KDM4C: variants seen among roughly 807,000 people sequenced by gnomAD.
KDM4C encodes lysine demethylase 4C.
KDM4C carries 81 observed loss-of-function variants against 129.3 expected under a neutral mutation model. The observed-to-expected ratio is 0.63, with a 90% CI of 0.52 to 0.75. The LOEUF (loss-of-function observed/expected upper bound fraction) is 0.75, where lower values mean the gene tolerates loss of function less well. KDM4C is among the 30% of genes least tolerant of loss of function. KDM4C has a pLI of 0.00. For missense variants in KDM4C, 1,457 were observed against 1,304.0 expected (o/e 1.12, Z -1.81); for synonymous variants, 573 against 456.1 (o/e 1.26, Z -3.26).
intron 1 of KDM4C, among the ~76,000 whole-genome samples, chr9:6,761,725 T>C (rs1195252209): frequency 2.0e-5 from 3 of 152,238 alleles, no homozygotes; most frequent in Non-Finnish European, 4.4e-5. Context: ...CATTCTGTAC[T>C]TTGATTAAGC....
chr9:6,842,620 G>C (rs544207202), intron 4 of KDM4C, among the ~76,000 whole-genome samples: 1 of 152,180 alleles, frequency 6.6e-6, no homozygotes, highest in East Asian at 1.9e-4. Context: ...ACGGACGTGA[G>C]CTACTGCACC....
chr9:7,123,040 A>T (rs1431090590), intron 18 of KDM4C, among the ~76,000 whole-genome samples: 1 of 152,218 alleles, frequency 6.6e-6, no homozygotes, highest in East Asian at 1.9e-4. Flanking sequence ...GCAAAAATAA[A>T]TCAGAAATCC....
At chr9:7,020,117 C>G (rs139739704) in intron 15 of KDM4C, among the ~76,000 whole-genome samples, 1 of 152,214 alleles carries the variant, frequency 6.6e-6, no homozygotes, top group Non-Finnish European at 1.5e-5. Context: ...TCTTACTTTT[C>G]CATTCACGTC....
rs1317111255 is a variant in KDM4C, at chr9:7,169,850, C to A, written c.2954C>A (p.Thr985Asn). The change falls in exon 21 of 22, where the codon ACT (threonine) becomes AAT (asparagine). Residue 985 changes from threonine to asparagine, a missense_variant. Coordinates refer to ENST00000381309, the MANE Select transcript of KDM4C (RefSeq NM_015061.6). The stretch of plus-strand genomic sequence containing the variant: ...GCAATGAAGAGAGAGGACATCTACA[C>A]TTTAGATGAAGAGTTACCCAAGAGA... ...QIAMKREDIY[T>N]LDEELPKRVK... The A allele has an allele frequency of 1.2e-6, 2 of 1,613,236 alleles. No homozygotes were observed. Among genetic ancestry groups the A allele is most frequent in the Non-Finnish European group, 1.7e-6 (2 of 1,179,334 alleles).
chr9:6,824,632 C>T (rs1588518632), intron 4 of KDM4C, among the ~76,000 whole-genome samples: 1 of 124,060 alleles, frequency 8.1e-6, no homozygotes, highest in East Asian at 2.5e-4. Context: ...ACGCAAGACT[C>T]CGTCTCAAAA....
At chr9:6,925,796 TTTTTGG>T (rs1371199053) in intron 8 of KDM4C, 5 of 318,858 alleles carry the variant, frequency 1.6e-5, no homozygotes, top group Non-Finnish European at 9.1e-6. Context: ...TTTAATTTTG[TTTTTGG>T]TTTTGTGGTA....
At chr9:6,924,734 TGAG>T in intron 8 of KDM4C, 1 of 981,656 alleles carries the variant, frequency 1.0e-6, no homozygotes, top group Non-Finnish European at 1.2e-6. Flanking sequence ...GGATTTTGTC[TGAG>T]GAGTTTTTAT....
At chr9:6,871,796 T>C (rs1218025383) in intron 5 of KDM4C, among the ~76,000 whole-genome samples, 1 of 152,214 alleles carries the variant, frequency 6.6e-6, no homozygotes, top group Non-Finnish European at 1.5e-5. Context: ...ATGGATAGTT[T>C]ATGTTAAAAT....
chr9:6,873,903 CGA>C (rs1310456528), intron 5 of KDM4C, among the ~76,000 whole-genome samples: 2 of 136,100 alleles, frequency 1.5e-5, no homozygotes, highest in Admixed American at 7.6e-5. Flanking sequence ...CACTTAGAGG[CGA>C]GAGAGAGAGC....
rs948232022 is a variant in KDM4C, at chr9:6,964,814, C to T, written c.922-16111C>T. On this transcript the variant is annotated intron_variant, in intron 8 of 21. Coordinates refer to ENST00000381309, the MANE Select transcript of KDM4C (RefSeq NM_015061.6). ...AAAAAAAAAAAAACCACAGACTGGG[C>T]GCAGTAGCACATGCCTGTAATCCCA... 1.9e-4 allele frequency among the ~76,000 whole-genome samples: 27 copies of T among 139,846 alleles called. No individual in the cohort carries two copies. The East Asian group carries it at 1.9e-3, about 10-fold the overall frequency. The allele number at this position is 139,846 out of a possible 152,430, so 91.7% of individuals were successfully genotyped here. A position where few individuals can be genotyped will look rare whatever the true frequency, so the allele number is the denominator to read the frequency against.
chr9:6,783,290 T>C (rs1824764805), intron 1 of KDM4C, among the ~76,000 whole-genome samples: 1 of 152,196 alleles, frequency 6.6e-6, no homozygotes, highest in Non-Finnish European at 1.5e-5. Flanking sequence ...AGAGGCAAGC[T>C]AAACTGTGGA....
intron 19 of KDM4C, among the ~76,000 whole-genome samples, chr9:7,148,806 C>T (rs1186194880): frequency 2.6e-5 from 4 of 152,176 alleles, no homozygotes; most frequent in African/African-American, 9.7e-5. Flanking sequence ...TGTCTGAGTC[C>T]AGCTGAGTCT....
At chr9:6,901,759 A>G (rs1361489636) in intron 8 of KDM4C, among the ~76,000 whole-genome samples, 1 of 152,220 alleles carries the variant, frequency 6.6e-6, no homozygotes, top group Non-Finnish European at 1.5e-5. Context: ...ATCTGCCACA[A>G]TATGTGCTTC....
chr9:6,961,423 G>C (rs952036119), intron 8 of KDM4C, among the ~76,000 whole-genome samples: 1 of 152,088 alleles, frequency 6.6e-6, no homozygotes, highest in African/African-American at 2.4e-5. Context: ...GTACTGAAAG[G>C]TATCCACCTA....
intron 8 of KDM4C, among the ~76,000 whole-genome samples, chr9:6,966,372 C>T (rs574889373): frequency 1.5e-3 from 235 of 152,136 alleles, no homozygotes; most frequent in African/African-American, 4.9e-3. Flanking sequence ...TTAGTAGAGA[C>T]GGGGTTTCAC....
At chr9:6,750,714 A>G (rs535743367) in intron 1 of KDM4C, among the ~76,000 whole-genome samples, 1 of 152,392 alleles carries the variant, frequency 6.6e-6, no homozygotes, top group South Asian at 2.1e-4. Flanking sequence ...CAGGGGCTCA[A>G]CAAGGTCAGA....
At chr9:7,084,782 C>T (rs1462349699) in intron 17 of KDM4C, among the ~76,000 whole-genome samples, 1 of 152,146 alleles carries the variant, frequency 6.6e-6, no homozygotes, top group Non-Finnish European at 1.5e-5. Flanking sequence ...AGTTTATCTA[C>T]AAATATTGAA....
rs189776189 is a variant in KDM4C, at chr9:6,968,207, C to T, written c.922-12718C>T. On this transcript the variant is annotated intron_variant, in intron 8 of 21. Transcript: ENST00000381309. The stretch of plus-strand genomic sequence containing the variant: ...ACATGAATGAACAATGCCCTGGGTG[C>T]ACTCATGCCTATAATCCTAGCATTT... Among the ~76,000 whole-genome samples, 8 of 152,308 alleles carry T rather than the reference C, an allele frequency of 5.3e-5. No individual in the cohort carries two copies. In the East Asian group the frequency reaches 1.5e-3, roughly 29 times the overall value.
At chr9:6,839,966 T>C (rs545796260) in intron 4 of KDM4C, among the ~76,000 whole-genome samples, 1 of 151,986 alleles carries the variant, frequency 6.6e-6, no homozygotes, top group East Asian at 1.9e-4. Context: ...TGCTGAAATA[T>C]AAAAATGAGA....
Sources: allele counts gnomAD v4.1 joint callset (sites outside exome capture counted in the v4.1 genomes callset), GRCh38; gene constraint gnomAD v4.1.1; transcripts MANE v1.5; gene names NCBI Gene and HGNC (gene_info 2026-07-23, HGNC 2026-07-21).